Variants in TMOD3 observed in about 807,000 individuals in gnomAD.
TMOD3 encodes tropomodulin-3.
Under a neutral mutation model 39.2 loss-of-function variants are expected in TMOD3, and 20 were observed. The observed-to-expected ratio is 0.51, with a 90% CI of 0.36 to 0.74. The LOEUF is 0.74. Ranked by LOEUF, TMOD3 falls within the 30% of genes least tolerant of loss-of-function variation. The probability of loss-of-function intolerance (pLI) is 0.00; values close to 1 mark genes in which losing one functional copy is unlikely to be tolerated. For missense variants in TMOD3, 381 were observed against 412.8 expected (o/e 0.92, Z 0.67); for synonymous variants, 143 against 145.8 (o/e 0.98, Z 0.14).
chr15:51,904,365 T>G (rs1055254659), intron 9 of TMOD3, among the ~76,000 whole-genome samples: 1 of 152,232 alleles, frequency 6.6e-6, no homozygotes, highest in African/African-American at 2.4e-5. Context: ...ATCCCAACTC[T>G]TTTAAAACCA....
intron 6 of TMOD3, among the ~76,000 whole-genome samples, chr15:51,896,051 T>A (rs1486264045): frequency 6.6e-6 from 1 of 152,174 alleles, no homozygotes; most frequent in African/African-American, 2.4e-5. Context: ...GAGGTTGCAG[T>A]GAGCTGAGAT....
At position 51,869,261 on chromosome 15, in the gene TMOD3, A is replaced by G. The variant is rs748805434; in HGVS notation, c.171A>G (p.Ser57=). The change falls in exon 3 of 10, where the codon TCA becomes TCG. Residue 57 remains serine, a synonymous_variant. Transcript: ENST00000308580. ...PAGFRQKNQT[S]KSTTGPFDRE... ...GGTTCCGGCAGAAGAACCAGACATC[A>G]AAGTCCACCACAGGGCCATTTGATA... The G allele has an allele frequency of 6.2e-7, 1 of 1,614,130 alleles. No homozygotes were observed. Among genetic ancestry groups the G allele is most frequent in the East Asian group, 2.2e-5 (1 of 44,878 alleles).
At chr15:51,847,442 A>G (rs1487744820) in intron 1 of TMOD3, among the ~76,000 whole-genome samples, 1 of 152,144 alleles carries the variant, frequency 6.6e-6, no homozygotes, top group South Asian at 2.1e-4. Flanking sequence ...ATCAACCACT[A>G]TTTTTTCAAC....
intron 9 of TMOD3, 116 bp downstream of exon 9, chr15:51,902,152 A>G (rs2056654148): frequency 5.7e-6 from 7 of 1,230,874 alleles, no homozygotes; most frequent in South Asian, 2.8e-5. Flanking sequence ...CTTTGTTTCT[A>G]AAATCTGCAT....
chr15:51,884,083 T>C (rs901632564), intron 3 of TMOD3, among the ~76,000 whole-genome samples: 4 of 152,208 alleles, frequency 2.6e-5, no homozygotes, highest in African/African-American at 4.8e-5. Flanking sequence ...AAATCAAGTT[T>C]GTAAGCCACC....
intron 5 of TMOD3, among the ~76,000 whole-genome samples, chr15:51,892,642 A>G (rs2056599556): frequency 6.6e-6 from 1 of 151,952 alleles, no homozygotes; most frequent in Admixed American, 6.6e-5. Context: ...CCACTTTCCC[A>G]CTGCAGAGTA....
intron 1 of TMOD3, among the ~76,000 whole-genome samples, chr15:51,853,844 T>G (rs890841005): frequency 6.6e-6 from 1 of 151,886 alleles, no homozygotes; most frequent in East Asian, 1.9e-4. Flanking sequence ...AATCATTAAT[T>G]TTGCCTGGGT....
At chr15:51,856,700 A>T (rs1373700697) in intron 1 of TMOD3, among the ~76,000 whole-genome samples, 3 of 152,192 alleles carry the variant, frequency 2.0e-5, no homozygotes, top group African/African-American at 7.2e-5. Flanking sequence ...ATCATAATTC[A>T]GCAAAATGCA....
At chr15:51,852,108 C>T (rs2056365201) in intron 1 of TMOD3, among the ~76,000 whole-genome samples, 1 of 152,176 alleles carries the variant, frequency 6.6e-6, no homozygotes, top group South Asian at 2.1e-4. Flanking sequence ...GGGCAGGGAG[C>T]TTGTCTGTCT....
intron 7 of TMOD3, among the ~76,000 whole-genome samples, chr15:51,897,147 A>G (rs370281504): frequency 3.9e-5 from 6 of 152,278 alleles, no homozygotes; most frequent in Admixed American, 1.3e-4. Context: ...GTTTCTCCAT[A>G]TCTCTTCAAC....
At chr15:51,883,139 A>G (rs1413571011) in intron 3 of TMOD3, among the ~76,000 whole-genome samples, 1 of 152,210 alleles carries the variant, frequency 6.6e-6, no homozygotes, top group African/African-American at 2.4e-5. Flanking sequence ...GAAAAATTAT[A>G]TAAAGAGGAG....
rs2141689566 is a variant in TMOD3 at position 51,869,372 on chromosome 15, A to C, written c.282A>C (p.Lys94Asn). The change falls in exon 3 of 10, where the codon AAA becomes AAC. Residue 94 changes from lysine (K) to asparagine (N), a missense_variant and splice_region_variant. Physicochemically the swap from Lys to Asn is moderately conservative, Grantham distance 94 (BLOSUM62 0). Transcript: ENST00000308580. ...EDYVPYTGEK[K>N]GKIFIPKQKP... ...ATGTGCCCTACACTGGAGAAAAAAAAGGTAAGCCCCAGAATTTTAAAGTCA... is the reference window on the plus strand; with the variant it reads ...ATGTGCCCTACACTGGAGAAAAAAACGGTAAGCCCCAGAATTTTAAAGTCA... The C allele has an allele frequency of 6.2e-7, 1 of 1,610,286 alleles. No individual in the cohort carries two copies. Among genetic ancestry groups the C allele is most frequent in the South Asian group, 1.1e-5 (1 of 89,806 alleles).
intron 1 of TMOD3, among the ~76,000 whole-genome samples, chr15:51,845,088 A>AT (rs563690088): frequency 2.0e-5 from 3 of 152,080 alleles, no homozygotes; most frequent in Non-Finnish European, 2.9e-5. Context: ...GCAAGTCAGT[A>AT]TTTTTTTCCC....
rs753970793 is a variant in TMOD3, at chr15:51,863,005, C to T, written c.121C>T (p.Pro41Ser). ...QLETVLDDLD[P>S]ENALLPAGFR... Reference sequence around the variant, plus strand: ...GGAAACTGTTTTGGATGATCTTGACCCCGAGGTAGGTGCTAGGTGATGAAG... The same window carrying T: ...GGAAACTGTTTTGGATGATCTTGACTCCGAGGTAGGTGCTAGGTGATGAAG... Residue 41 changes from proline (P) to serine (S), a missense_variant, in exon 2 of 10, where the codon CCC becomes TCC. Pro to Ser is a moderately conservative substitution (Grantham distance 74, BLOSUM62 -1). Coordinates refer to ENST00000308580, the MANE Select transcript of TMOD3 (RefSeq NM_014547.5). 5 of 1,612,186 alleles carry T rather than the reference C, an allele frequency of 3.1e-6. No individual in the cohort carries two copies. In the African/African-American group the frequency reaches 6.7e-5, roughly 22 times the overall value.
At chr15:51,901,442 C>G (rs532164143) in intron 8 of TMOD3, 196 of 154,580 alleles carry the variant, frequency 1.3e-3, no homozygotes, top group Middle Eastern at 3.4e-3. Flanking sequence ...TTTCCACATT[C>G]TTGCCAACAC....
intron 3 of TMOD3, 107 bp from the exon 4 acceptor site, chr15:51,887,482 T>A (rs2912186): frequency 0.39 from 454,984 of 1,164,008 alleles, 91,378 homozygotes; most frequent in Admixed American, 0.45. Context: ...ACTGTCGATG[T>A]TAATCTTTTC....
intron 1 of TMOD3, among the ~76,000 whole-genome samples, chr15:51,854,229 C>T (rs2056377177): frequency 6.6e-6 from 1 of 152,188 alleles, no homozygotes; most frequent in South Asian, 2.1e-4. Context: ...CTGTTGCAAT[C>T]ACTCAGCTCT....
rs1020219928 is a variant in TMOD3 at position 51,908,971 on chromosome 15, A to T, written c.*161A>T. ...TTGTTATCAAATTGTAAAATCAGTA[A>T]TGTGATATTTTATATTCTGAAACAT... On this transcript the variant is annotated 3_prime_UTR_variant, in exon 10 of 10. Transcript: ENST00000308580. 4.4e-6 allele frequency: 2 copies of T among 451,230 alleles called. No individual in the cohort carries two copies. The highest frequency in any genetic ancestry group is 7.9e-6 in the Non-Finnish European group (2 of 252,314). The allele number at this position is 451,230 out of a possible 1,614,324, so 28.0% of individuals were successfully genotyped here.
chr15:51,872,567 C>G (rs561770766), intron 3 of TMOD3, among the ~76,000 whole-genome samples: 52 of 149,218 alleles, frequency 3.5e-4, no homozygotes, highest in Admixed American at 4.7e-4. Flanking sequence ...TCTGGCATGC[C>G]TATGTCATAT....
Sources: allele counts gnomAD v4.1 joint callset (sites outside exome capture counted in the v4.1 genomes callset), GRCh38; gene constraint gnomAD v4.1.1; transcripts MANE v1.5; gene names NCBI Gene and HGNC (gene_info 2026-07-23, HGNC 2026-07-21).